Variants in CADPS observed in about 807,000 individuals in gnomAD.
The protein encoded by CADPS is calcium-dependent secretion activator 1.
In CADPS, 57 loss-of-function variants were observed where a neutral mutation model predicts 167.3. That is an observed-to-expected ratio of 0.34 (90% CI 0.28 to 0.42). The LOEUF is 0.42. Among genes scored for constraint, CADPS ranks in the 20% least tolerant of loss-of-function variants. The pLI is 1.00. For synonymous variants in CADPS, 676 were observed against 635.3 expected (o/e 1.06, Z -0.96); for missense variants, 1,414 against 1,738.1 (o/e 0.81, Z 3.32).
chr3:62,716,676 T>C (rs915345090), intron 3 of CADPS, among the ~76,000 whole-genome samples: 1 of 152,210 alleles, frequency 6.6e-6, no homozygotes, highest in African/African-American at 2.4e-5. Flanking sequence ...TCTTTGTCCT[T>C]ACATCACATT....
At chr3:62,669,172 A>C (rs978563734) in intron 3 of CADPS, among the ~76,000 whole-genome samples, 1 of 152,064 alleles carries the variant, frequency 6.6e-6, no homozygotes, top group Non-Finnish European at 1.5e-5. Context: ...CTTTCTCTCT[A>C]CTTCCCAGTG....
intron 18 of CADPS, among the ~76,000 whole-genome samples, chr3:62,495,463 G>C (rs2064555817): frequency 6.6e-6 from 1 of 152,124 alleles, no homozygotes; most frequent in Non-Finnish European, 1.5e-5. Context: ...TTTTGTACTT[G>C]AGCTAACTCA....
At chr3:62,533,130 G>C in intron 12 of CADPS, 72 bp from the exon 13 acceptor site, 1 of 1,385,912 alleles carries the variant, frequency 7.2e-7, no homozygotes, top group East Asian at 2.4e-5. Flanking sequence ...AGAGTTGGGA[G>C]TGGCTAGAGA....
Position 62,585,218 on chromosome 3 carries a change from C to G in CADPS, c.1544G>C (p.Arg515Pro). 1 of 1,613,976 alleles carries G rather than the reference C, an allele frequency of 6.2e-7. No homozygotes were observed. The highest frequency in any genetic ancestry group is 8.5e-7 in the Non-Finnish European group (1 of 1,179,914). Residue 515 changes from arginine (R) to proline (P), a missense_variant, in exon 8 of 30, where the codon CGA (arginine) becomes CCA (proline). Physicochemically the swap from Arg to Pro is moderately radical, Grantham distance 103 (BLOSUM62 -2). Around this residue, in one of 6 missense-constraint regions of CADPS, gnomAD observed 157 missense variants for 229.4 expected, o/e 0.68. Transcript: ENST00000383710. ...DQDLKIKLAV[R>P]MDKPQNMKHS... ...CTTCATGTTTTGAGGCTTATCCATT[C>G]GGACAGCAAGTTTGATTTTGAGATC...
chr3:62,437,640 T>C (rs2055404730), intron 28 of CADPS, among the ~76,000 whole-genome samples: 1 of 152,182 alleles, frequency 6.6e-6, no homozygotes, highest in African/African-American at 2.4e-5. Context: ...AATGAAATTA[T>C]CTTTGAAGTG....
rs61586697 is a variant in CADPS, at chr3:62,474,153, ATTTTTT to A, written c.3477+14_3477+19del. ...AATGAAGAGGGAAAAAAAAATCTGT[ATTTTTT>A]TTTTTTTTTTTACCTCTTGGCCCAT... is the stretch of plus-strand genomic sequence containing the variant. On this transcript the variant is annotated intron_variant, in intron 24 of 29. Transcript: ENST00000383710. 1.5e-5 allele frequency: 11 copies of A among 735,910 alleles called. No homozygotes were observed. The highest frequency in any genetic ancestry group is 2.0e-5 in the Non-Finnish European group (11 of 549,824). 45.6% of individuals were successfully genotyped at this position (735,910 alleles called of 1,614,324 possible).
chr3:62,815,401 C>T lies in CADPS; in HGVS notation c.442-49417G>A, dbSNP rs114702559. 7.7e-3 allele frequency among the ~76,000 whole-genome samples: 1,158 copies of T among 150,810 alleles called. 15 individuals are homozygous for T. Among genetic ancestry groups the T allele is most frequent in the African/African-American group, 0.026 (1,058 of 40,972 alleles). On this transcript the variant is annotated intron_variant, in intron 1 of 29. Coordinates refer to ENST00000383710, the MANE Select transcript of CADPS (RefSeq NM_003716.4). The stretch of plus-strand genomic sequence containing the variant: ...AACTAGGAAAAATTAATCTATGGTC[C>T]GAGAAATCAGGATAATGGTGACCAG...
At chr3:62,649,707 C>G (rs183892503) in intron 5 of CADPS, among the ~76,000 whole-genome samples, 2 of 151,228 alleles carry the variant, frequency 1.3e-5, no homozygotes, top group Admixed American at 6.6e-5. Context: ...CACCATCACA[C>G]TCAGCTAATT....
At chr3:62,636,730 GAAT>G (rs1486024842) in intron 6 of CADPS, among the ~76,000 whole-genome samples, 4 of 152,160 alleles carry the variant, frequency 2.6e-5, no homozygotes, top group Admixed American at 6.5e-5. Flanking sequence ...AAAGAAGCCA[GAAT>G]AACAGGCTTG....
rs2059965260 is a variant in CADPS at position 62,601,497 on chromosome 3, A to G, written c.1326-8749T>C. Among the ~76,000 whole-genome samples the G allele has an allele frequency of 6.6e-6, 1 of 152,250 alleles. No individual in the cohort carries two copies. The highest frequency in any genetic ancestry group is 1.5e-5 in the Non-Finnish European group (1 of 68,042). ...AGATTAGCAGAATGCTCATCTGGGCATACCCACAAAGACGAACTATAAACA... is the reference window on the plus strand; with the variant it reads ...AGATTAGCAGAATGCTCATCTGGGCGTACCCACAAAGACGAACTATAAACA... On this transcript the variant is annotated intron_variant, in intron 6 of 29. Coordinates refer to ENST00000383710, the MANE Select transcript of CADPS (RefSeq NM_003716.4). This position sits in a 1 kb window ranked among gnomAD's most constrained non-coding sequence, Gnocchi z 4.3.
chr3:62,561,864 G>A (rs550392468), intron 9 of CADPS, among the ~76,000 whole-genome samples: 58 of 152,140 alleles, frequency 3.8e-4, no homozygotes, highest in African/African-American at 1.2e-3. Context: ...CTGAACTCTG[G>A]TCACCAGCCC....
chr3:62,694,110 C>G (rs922013586), intron 3 of CADPS, among the ~76,000 whole-genome samples: 2 of 152,072 alleles, frequency 1.3e-5, no homozygotes, highest in Non-Finnish European at 2.9e-5. Context: ...ATGGGCTTAA[C>G]CCAGACTTCC....
Position 62,722,586 on chromosome 3 carries a change from A to G in CADPS, c.888+30855T>C, listed in dbSNP as rs190229937. Among the ~76,000 whole-genome samples, 18 of 152,338 alleles carry G rather than the reference A, an allele frequency of 1.2e-4. 1 individual carries two copies. Among genetic ancestry groups the G allele is most frequent in the Middle Eastern group, 3.4e-3 (1 of 294 alleles). ...TCACAGGCTCATTTGCCTTTGAGTA[A>G]ATCAACTTCTATCTTTGCTCCACTG... On this transcript the variant is annotated intron_variant, in intron 3 of 29. Coordinates refer to ENST00000383710, the MANE Select transcript of CADPS (RefSeq NM_003716.4).
At chr3:62,738,933 G>A (rs1280224499) in intron 3 of CADPS, among the ~76,000 whole-genome samples, 1 of 152,100 alleles carries the variant, frequency 6.6e-6, no homozygotes. Context: ...ACAATTTTAT[G>A]CCAGGGCATG....
At chr3:62,573,196 TA>T (rs1578058451) in intron 8 of CADPS, among the ~76,000 whole-genome samples, 2 of 152,204 alleles carry the variant, frequency 1.3e-5, no homozygotes, top group Admixed American at 6.5e-5. Flanking sequence ...CCATATACAT[TA>T]AATCTTCCCT....
At chr3:62,569,147 C>T (rs535561316) in intron 9 of CADPS, among the ~76,000 whole-genome samples, 20 of 152,332 alleles carry the variant, frequency 1.3e-4, no homozygotes, top group Admixed American at 1.2e-3. Flanking sequence ...GTTGCCCAGG[C>T]TGGAGTGCAA....
intron 3 of CADPS, among the ~76,000 whole-genome samples, chr3:62,744,311 T>C (rs2080976019): frequency 6.6e-6 from 1 of 151,934 alleles, no homozygotes. Context: ...GTAGAATCAT[T>C]CACTAGCCAT....
chr3:62,622,330 G>T (rs930562014), intron 6 of CADPS, among the ~76,000 whole-genome samples: 6 of 152,104 alleles, frequency 3.9e-5, no homozygotes, highest in African/African-American at 1.4e-4. Context: ...TGGTGCTGGG[G>T]ATTCCGCAGG....
intron 4 of CADPS, among the ~76,000 whole-genome samples, chr3:62,651,358 C>A (rs1360423098): frequency 6.6e-6 from 1 of 152,154 alleles, no homozygotes; most frequent in Non-Finnish European, 1.5e-5. Flanking sequence ...TCCCCAGTTT[C>A]CTTCAGCAAA....
Sources: gnomAD v4.1 joint callset for allele counts (sites outside exome capture counted in the v4.1 genomes callset) on GRCh38, gnomAD v4.1.1 for gene constraint, gnomAD v4.1.1 regional missense constraint, Gnocchi (gnomAD v3.1) non-coding constraint, MANE v1.5 for transcripts, NCBI Gene and HGNC (gene_info 2026-07-23, HGNC 2026-07-21) for gene names.